BCAS3: variants seen among roughly 807,000 people sequenced by gnomAD.
BCAS3 encodes the protein BCAS3 microtubule associated cell migration factor, also known as BCAS4/BCAS3 fusion.
BCAS3 carries 53 observed loss-of-function variants against 116.1 expected under a neutral mutation model. The ratio of observed to expected loss-of-function variants is 0.46; its 90% CI spans 0.37 to 0.57. The LOEUF (loss-of-function observed/expected upper bound fraction) is 0.57. BCAS3 is among the 20% of genes least tolerant of loss of function. BCAS3 has a pLI of 0.00. For synonymous variants in BCAS3, 391 were observed against 408.2 expected, an observed-to-expected ratio of 0.96 and a Z score of 0.51; for missense variants, 917 against 1,165.4, an observed-to-expected ratio of 0.79 and a Z score of 3.10.
intron 12 of BCAS3, among the ~76,000 whole-genome samples, chr17:60,923,123 A>G (rs1157615322): frequency 6.6e-6 from 1 of 152,226 alleles, no homozygotes; most frequent in Non-Finnish European, 1.5e-5. Context: ...ACAGTGAAAT[A>G]TTGGAAAAGT....
At chr17:61,168,757 G>A (rs1277141936) in intron 22 of BCAS3, among the ~76,000 whole-genome samples, 1 of 152,162 alleles carries the variant, frequency 6.6e-6, no homozygotes, top group Non-Finnish European at 1.5e-5. Context: ...TTCTTCTGAA[G>A]GCTTATAGTC....
At chr17:60,972,444 C>CTTTTTTT (rs150860541) in intron 14 of BCAS3, among the ~76,000 whole-genome samples, 1 of 114,090 alleles carries the variant, frequency 8.8e-6, no homozygotes, top group Non-Finnish European at 1.8e-5. Context: ...CTCACTTGGC[C>CTTTTTTT]TTTTTTTTTT....
chr17:61,230,443 C>T (rs2082610116), intron 22 of BCAS3, among the ~76,000 whole-genome samples: 1 of 151,994 alleles, frequency 6.6e-6, no homozygotes, highest in Non-Finnish European at 1.5e-5. Flanking sequence ...GTTTTTCAAC[C>T]CGTGCCCTGT....
At chr17:60,910,446 T>G in intron 11 of BCAS3, 86 bp from the exon 12 acceptor site, 2 of 1,094,466 alleles carry the variant, frequency 1.8e-6, no homozygotes, top group Non-Finnish European at 2.5e-6. Flanking sequence ...AATAACATAA[T>G]GATTAGGAAA....
intron 22 of BCAS3, among the ~76,000 whole-genome samples, chr17:61,210,619 C>T (rs1276890560): frequency 6.6e-6 from 1 of 152,134 alleles, no homozygotes; most frequent in Non-Finnish European, 1.5e-5. Context: ...GCTCTGTGAC[C>T]AGGTGCTAAG....
chr17:60,968,700 G>T (rs150596267), intron 14 of BCAS3, among the ~76,000 whole-genome samples: 9 of 152,214 alleles, frequency 5.9e-5, no homozygotes, highest in Non-Finnish European at 1.2e-4. Flanking sequence ...TCTGGCTAGG[G>T]GTTTGTGCCC....
intron 7 of BCAS3, among the ~76,000 whole-genome samples, chr17:60,814,306 T>TGTGTGTGTGTGCGCGTGCGC (rs368289350): frequency 5.4e-5 from 8 of 148,302 alleles, no homozygotes; most frequent in African/African-American, 2.0e-4. Flanking sequence ...TGTGTGTGTG[T>TGTGTGTGTGTGCGCGTGCGC]GCGCGCGTGC....
At chr17:61,099,231 G>A (rs919215560) in intron 22 of BCAS3, among the ~76,000 whole-genome samples, 1 of 152,164 alleles carries the variant, frequency 6.6e-6, no homozygotes, top group Non-Finnish European at 1.5e-5. Context: ...AGGACTGTTT[G>A]AGAACAAGGG....
At chr17:61,107,082 CTTTTTT>C (rs755754824) in intron 22 of BCAS3, among the ~76,000 whole-genome samples, 1 of 106,370 alleles carries the variant, frequency 9.4e-6, no homozygotes, top group East Asian at 2.8e-4. Flanking sequence ...ACTAGGCTTA[CTTTTTT>C]TTTTTTTTTT....
At chr17:60,752,640 G>T (rs1041050763) in intron 6 of BCAS3, among the ~76,000 whole-genome samples, 36 of 151,970 alleles carry the variant, frequency 2.4e-4, no homozygotes, top group Non-Finnish European at 5.0e-4. Flanking sequence ...AGCCAGGATG[G>T]TCTTGATCTC....
intron 1 of BCAS3, 117 bp from the exon 2 acceptor site, chr17:60,679,336 A>G (rs1277952144): frequency 2.1e-5 from 14 of 657,134 alleles, no homozygotes; most frequent in Non-Finnish European, 3.3e-5. Flanking sequence ...AAAGTTTCCT[A>G]CATTTGAGGC....
At chr17:60,724,204 C>T (rs1384715233) in intron 5 of BCAS3, among the ~76,000 whole-genome samples, 1 of 148,486 alleles carries the variant, frequency 6.7e-6, no homozygotes, top group African/African-American at 2.5e-5. Context: ...CAGGCGGGCC[C>T]CTTGAGGTCA....
chr17:61,170,378 C>T (rs1324623584), intron 22 of BCAS3, among the ~76,000 whole-genome samples: 1 of 151,984 alleles, frequency 6.6e-6, no homozygotes, highest in African/African-American at 2.4e-5. Flanking sequence ...CTGCAAGCTC[C>T]ACCTCGAGGG....
chr17:61,015,996 T>C, intron 16 of BCAS3, 95 bp downstream of exon 16: 3 of 1,302,094 alleles, frequency 2.3e-6, no homozygotes, highest in Non-Finnish European at 3.2e-6. Flanking sequence ...GTTTTTATTA[T>C]GTTCTTCATT....
intron 19 of BCAS3, among the ~76,000 whole-genome samples, chr17:61,067,301 A>G (rs1172195935): frequency 1.5e-5 from 2 of 132,352 alleles, no homozygotes; most frequent in African/African-American, 2.9e-5. Flanking sequence ...ATATATATAT[A>G]TATATATATA....
rs944111533 is a variant in BCAS3, at chr17:61,362,857, G to C, written c.2426-5470G>C. On this transcript the variant is annotated intron_variant, in intron 22 of 23. Coordinates refer to ENST00000407086, the MANE Select transcript of BCAS3 (RefSeq NM_017679.5). The surrounding 1 kb of genome is among the most constrained non-coding windows in gnomAD (Gnocchi z 4.4). ...GAGTAAAATTGTGACATTGTTTTCT[G>C]CTCACTTATCTTCTTCTTCCTTCCT... The C allele has an allele frequency of 2.0e-5, 3 of 152,110 alleles. No individual in the cohort carries two copies. Among genetic ancestry groups the C allele is most frequent in the Non-Finnish European group, 4.4e-5 (3 of 68,026 alleles). 9.4% of individuals were successfully genotyped at this position (152,110 alleles called of 1,614,324 possible).
chr17:60,887,474 C>T (rs2144988064), intron 9 of BCAS3: 1 of 152,666 alleles, frequency 6.6e-6, no homozygotes, highest in South Asian at 2.1e-4. Context: ...CTTGGCTCCT[C>T]AATTGTTTAA....
At position 61,387,298 on chromosome 17, in the gene BCAS3, G is replaced by A. The variant is rs965191705; in HGVS notation, c.2594-4679G>A. The stretch of plus-strand genomic sequence containing the variant: ...AGTAGGACAAGGTGTGGGCAGCCAT[G>A]CCCTTGCCTCCTCACAGACAAAGAG... On this transcript the variant is annotated intron_variant, in intron 23 of 23. Coordinates refer to ENST00000407086, the MANE Select transcript of BCAS3 (RefSeq NM_017679.5). This position sits in a 1 kb window ranked among gnomAD's most constrained non-coding sequence, Gnocchi z 6.2. 1.3e-5 allele frequency among the ~76,000 whole-genome samples: 2 copies of A among 152,192 alleles called. No individual in the cohort carries two copies. The highest frequency in any genetic ancestry group is 2.9e-5 in the Non-Finnish European group (2 of 68,024).
chr17:61,030,214 G>A (rs563438209), intron 16 of BCAS3, among the ~76,000 whole-genome samples: 5 of 152,036 alleles, frequency 3.3e-5, no homozygotes, highest in South Asian at 2.1e-4. Context: ...GAAAAGAAAC[G>A]GTGCTTCTGT....
Sources: allele counts gnomAD v4.1 joint callset (sites outside exome capture counted in the v4.1 genomes callset), GRCh38; gene constraint gnomAD v4.1.1; non-coding constraint Gnocchi (gnomAD v3.1); transcripts MANE v1.5; gene names NCBI Gene and HGNC (gene_info 2026-07-23, HGNC 2026-07-21).